Variants in CDH13 observed in about 807,000 individuals in gnomAD.
The protein encoded by CDH13 is cadherin-13.
Under a neutral mutation model 63.8 loss-of-function variants are expected in CDH13, and 24 were observed. That is an observed-to-expected ratio of 0.38 (90% confidence interval 0.27 to 0.53). The LOEUF is 0.53. Among genes scored for constraint, CDH13 ranks in the 20% least tolerant of loss-of-function variants. The pLI, the probability that CDH13 is intolerant of heterozygous loss-of-function variation, is 0.85. For missense variants in CDH13, 1,049 were observed against 903.1 expected (o/e 1.16, Z -2.07); for synonymous variants, 503 against 355.3 (o/e 1.42, Z -4.67).
intron 1 of CDH13, among the ~76,000 whole-genome samples, chr16:82,821,422 G>A (rs1280173560): frequency 6.6e-6 from 1 of 152,174 alleles, no homozygotes; most frequent in Non-Finnish European, 1.5e-5. Context: ...TATGCCCCTT[G>A]GTGAATTCAG....
intron 5 of CDH13, among the ~76,000 whole-genome samples, chr16:83,241,898 G>T (rs1279706055): frequency 6.6e-6 from 1 of 152,132 alleles, no homozygotes; most frequent in East Asian, 1.9e-4. Flanking sequence ...TCATATATAA[G>T]AAATCATTGT....
chr16:82,701,901 C>T (rs2031057985), intron 1 of CDH13, among the ~76,000 whole-genome samples: 1 of 152,124 alleles, frequency 6.6e-6, no homozygotes, highest in Non-Finnish European at 1.5e-5. Flanking sequence ...CATCTCTACC[C>T]AGCCACGTGG....
At chr16:83,110,757 G>A (rs1567839456) in intron 3 of CDH13, among the ~76,000 whole-genome samples, 1 of 151,918 alleles carries the variant, frequency 6.6e-6, no homozygotes, top group Non-Finnish European at 1.5e-5. Context: ...GCTTCTTTCT[G>A]AAATTTTTGA....
At chr16:83,108,183 T>C (rs960510666) in intron 3 of CDH13, among the ~76,000 whole-genome samples, 1 of 152,114 alleles carries the variant, frequency 6.6e-6, no homozygotes, top group African/African-American at 2.4e-5. Context: ...AAGGCCATGG[T>C]TGTGAAGTAT....
At chr16:83,484,149 A>G (rs1181865211) in intron 6 of CDH13, among the ~76,000 whole-genome samples, 1 of 152,234 alleles carries the variant, frequency 6.6e-6, no homozygotes, top group African/African-American at 2.4e-5. Context: ...CTGATCAATC[A>G]GGCCTAATGA....
chr16:83,483,116 C>T (rs1199249455), intron 6 of CDH13, among the ~76,000 whole-genome samples: 12 of 152,296 alleles, frequency 7.9e-5, no homozygotes, highest in Non-Finnish European at 1.3e-4. Flanking sequence ...AATGTGGCCA[C>T]GGTCACGCAG....
intron 6 of CDH13, among the ~76,000 whole-genome samples, chr16:83,404,028 T>A (rs182442133): frequency 1.6e-4 from 25 of 152,324 alleles, no homozygotes; most frequent in African/African-American, 5.5e-4. Context: ...TTCCAGTGTC[T>A]CTTCTACAGA....
At chr16:82,871,600 C>T (rs1481352252) in intron 2 of CDH13, among the ~76,000 whole-genome samples, 1 of 152,118 alleles carries the variant, frequency 6.6e-6, no homozygotes, top group Non-Finnish European at 1.5e-5. Flanking sequence ...TTGTTTTTCT[C>T]ATTTGTATAA....
intron 7 of CDH13, among the ~76,000 whole-genome samples, chr16:83,567,756 C>T (rs9929626): frequency 0.085 from 12,921 of 152,026 alleles, 961 homozygotes; most frequent in African/African-American, 0.19. Context: ...CCACCACGCC[C>T]GGCTAATTTT....
At chr16:83,308,151 T>C (rs1286117462) in intron 5 of CDH13, among the ~76,000 whole-genome samples, 1 of 152,176 alleles carries the variant, frequency 6.6e-6, no homozygotes, top group East Asian at 1.9e-4. Flanking sequence ...TCATTACTAT[T>C]CAATATATTT....
At chr16:83,621,235 A>G (rs1598380994) in intron 8 of CDH13, among the ~76,000 whole-genome samples, 1 of 152,138 alleles carries the variant, frequency 6.6e-6, no homozygotes, top group African/African-American at 2.4e-5. Flanking sequence ...CTATTCAGGC[A>G]TTTCTGCCGG....
At chr16:83,333,632 A>G (rs1266801658) in intron 5 of CDH13, among the ~76,000 whole-genome samples, 1 of 152,168 alleles carries the variant, frequency 6.6e-6, no homozygotes, top group Non-Finnish European at 1.5e-5. Context: ...ATTTCTGTGT[A>G]CACATGCTCA....
chr16:83,078,642 C>A (rs2033021958), intron 3 of CDH13, among the ~76,000 whole-genome samples: 1 of 152,204 alleles, frequency 6.6e-6, no homozygotes, highest in Non-Finnish European at 1.5e-5. Context: ...TATAAGCCAC[C>A]AAGACTATGG....
At chr16:82,960,943 A>C (rs1035105824) in intron 2 of CDH13, among the ~76,000 whole-genome samples, 2 of 152,222 alleles carry the variant, frequency 1.3e-5, no homozygotes, top group Non-Finnish European at 1.5e-5. Flanking sequence ...TAAAAAGGGT[A>C]ATACAAAATA....
At chr16:82,935,651 C>A (rs534290861) in intron 2 of CDH13, among the ~76,000 whole-genome samples, 2 of 152,154 alleles carry the variant, frequency 1.3e-5, no homozygotes, top group Non-Finnish European at 2.9e-5. Context: ...GGTCCCCAAC[C>A]TCTGGGCTAT....
At chr16:82,627,493 T>G (rs1434958161) in intron 1 of CDH13, among the ~76,000 whole-genome samples, 1 of 152,058 alleles carries the variant, frequency 6.6e-6, no homozygotes, top group Non-Finnish European at 1.5e-5. Flanking sequence ...GGAGGCTCGG[T>G]GCATTGGAGA....
intron 1 of CDH13, among the ~76,000 whole-genome samples, chr16:82,778,906 A>C (rs1213914399): frequency 6.6e-6 from 1 of 152,186 alleles, no homozygotes; most frequent in Non-Finnish European, 1.5e-5. Flanking sequence ...CATTTGTGAT[A>C]ATTTTAAATA....
intron 8 of CDH13, among the ~76,000 whole-genome samples, chr16:83,609,974 G>A (rs961844471): frequency 7.9e-5 from 12 of 152,134 alleles, no homozygotes; most frequent in East Asian, 1.9e-4. Flanking sequence ...CATACAATAC[G>A]TGGTCCTTTG....
At chr16:83,695,900 T>G (rs1339848287) in intron 10 of CDH13, among the ~76,000 whole-genome samples, 2 of 152,098 alleles carry the variant, frequency 1.3e-5, no homozygotes, top group South Asian at 2.1e-4. Flanking sequence ...GAACTTTTTT[T>G]TTTTTTTTTG....
Sources: allele counts gnomAD v4.1 joint callset (sites outside exome capture counted in the v4.1 genomes callset), GRCh38; gene constraint gnomAD v4.1.1; transcripts MANE v1.5; gene names NCBI Gene and HGNC (gene_info 2026-07-23, HGNC 2026-07-21).